Variants in CHN2 observed in about 807,000 individuals in gnomAD.
CHN2 encodes chimerin 2.
CHN2 carries 35 observed loss-of-function variants against 56.3 expected under a neutral mutation model. That is an observed-to-expected ratio of 0.62 (90% CI 0.47 to 0.82). The LOEUF (loss-of-function observed/expected upper bound fraction) is 0.82, where lower values mean the gene tolerates loss of function less well. Ranked by LOEUF, CHN2 falls within the 40% of genes least tolerant of loss-of-function variation. The pLI, the probability that CHN2 is intolerant of heterozygous loss-of-function variation, is 0.00. For missense variants in CHN2, 491 were observed against 580.5 expected, an observed-to-expected ratio of 0.85 and a Z score of 1.58; for synonymous variants, 210 against 212.8, an observed-to-expected ratio of 0.99 and a Z score of 0.12.
chr7:29,351,786 G>T (rs1797904654), intron 1 of CHN2, among the ~76,000 whole-genome samples: 1 of 152,172 alleles, frequency 6.6e-6, no homozygotes, highest in Non-Finnish European at 1.5e-5. Flanking sequence ...GAGGCGGGCA[G>T]GCTCCCAGTG....
intron 1 of CHN2, chr7:29,197,988 G>A (rs1457127499): frequency 2.2e-6 from 1 of 456,304 alleles, no homozygotes; most frequent in African/African-American, 2.0e-5. Flanking sequence ...AGATGGGTAA[G>A]TTCATGGCAT....
intron 1 of CHN2, among the ~76,000 whole-genome samples, chr7:29,285,358 C>T (rs1469804645): frequency 6.6e-6 from 1 of 152,182 alleles, no homozygotes; most frequent in East Asian, 1.9e-4. Context: ...TTCTATTTTC[C>T]AGACAAAACA....
intron 2 of CHN2, among the ~76,000 whole-genome samples, chr7:29,174,129 G>C (rs1287396074): frequency 2.0e-5 from 3 of 152,038 alleles, no homozygotes; most frequent in African/African-American, 7.2e-5. Context: ...AAAGGCTGGA[G>C]AGACCCCCCC....
intron 1 of CHN2, among the ~76,000 whole-genome samples, chr7:29,220,982 A>G (rs953936911): frequency 1.7e-4 from 26 of 152,334 alleles, no homozygotes; most frequent in Admixed American, 7.8e-4. Flanking sequence ...TTAAAAACCA[A>G]TCAAAGCCTC....
intron 2 of CHN2, among the ~76,000 whole-genome samples, chr7:29,171,831 T>C (rs1202046079): frequency 1.3e-5 from 2 of 152,222 alleles, no homozygotes; most frequent in Non-Finnish European, 2.9e-5. Flanking sequence ...ATGAAGTTGT[T>C]GTAGCTGAAG....
At chr7:29,327,863 A>G (rs1417603371) in intron 1 of CHN2, among the ~76,000 whole-genome samples, 1 of 152,302 alleles carries the variant, frequency 6.6e-6, no homozygotes, top group East Asian at 1.9e-4. Flanking sequence ...TTTTTTATTC[A>G]TTTTGTAGCC....
chr7:29,414,737 G>A (rs1008004436), intron 6 of CHN2, among the ~76,000 whole-genome samples: 2 of 152,104 alleles, frequency 1.3e-5, no homozygotes, highest in Admixed American at 6.5e-5. Flanking sequence ...CCAAGAGGCC[G>A]GCAAAACAGA....
intron 1 of CHN2, among the ~76,000 whole-genome samples, chr7:29,348,444 AT>A (rs1562535936): frequency 1.3e-5 from 2 of 151,970 alleles, no homozygotes; most frequent in Non-Finnish European, 2.9e-5. Context: ...CTTATTACCC[AT>A]TTTTTAAAGG....
intron 1 of CHN2, among the ~76,000 whole-genome samples, chr7:29,293,548 C>T (rs914004430): frequency 1.3e-5 from 2 of 152,152 alleles, no homozygotes; most frequent in Non-Finnish European, 2.9e-5. Flanking sequence ...ACATCACGCT[C>T]CTCTCTCCTT....
chr7:29,406,582 T>G (rs1336265592), intron 6 of CHN2, among the ~76,000 whole-genome samples: 1 of 151,816 alleles, frequency 6.6e-6, no homozygotes, highest in Non-Finnish European at 1.5e-5. Context: ...CCTGGCATGC[T>G]GCACACCACC....
chr7:29,174,911 A>AAG (rs940177366), intron 2 of CHN2, among the ~76,000 whole-genome samples: 38 of 152,208 alleles, frequency 2.5e-4, no homozygotes, highest in African/African-American at 9.1e-4. Context: ...AAGAAGCTAG[A>AAG]AGAGAGAGAG....
At position 29,472,272 on chromosome 7, in the gene CHN2, T is replaced by TACACACACACAC. The variant is rs113034467; in HGVS notation, c.577-7992_577-7981dup. Among the ~76,000 whole-genome samples the TACACACACACAC allele has an allele frequency of 9.5e-4, 107 of 112,314 alleles. 1 individual carries two copies. Among genetic ancestry groups the TACACACACACAC allele is most frequent in the African/African-American group, 2.1e-3 (81 of 38,320 alleles). 73.7% of individuals were successfully genotyped at this position (112,314 alleles called of 152,430 possible). The stretch of plus-strand genomic sequence containing the variant: ...CCCATAGAAGCTTTTCAAAACAAAA[T>TACACACACACAC]ACACACACACACACACACACACACA... On this transcript the variant is annotated intron_variant, in intron 6 of 12. Coordinates refer to ENST00000222792, the MANE Select transcript of CHN2 (RefSeq NM_004067.4).
chr7:29,279,458 T>C (rs3812354), intron 1 of CHN2, among the ~76,000 whole-genome samples: 10,065 of 152,296 alleles, frequency 0.066, 421 homozygotes, highest in South Asian at 0.17. Context: ...TCAACAAACA[T>C]TTATGGAGAC....
chr7:29,211,132 G>A (rs1252506484), intron 1 of CHN2, among the ~76,000 whole-genome samples: 8 of 151,896 alleles, frequency 5.3e-5, no homozygotes, highest in East Asian at 1.9e-4. Flanking sequence ...GTGCAGTGGC[G>A]CGATCTCGGC....
intron 6 of CHN2, among the ~76,000 whole-genome samples, chr7:29,443,943 A>G (rs1227361793): frequency 6.6e-6 from 1 of 152,232 alleles, no homozygotes; most frequent in Non-Finnish European, 1.5e-5. Context: ...ATACTTGAGG[A>G]AGTGTCTACC....
intron 1 of CHN2, among the ~76,000 whole-genome samples, chr7:29,304,588 G>A (rs573605418): frequency 6.6e-6 from 1 of 152,124 alleles, no homozygotes; most frequent in Non-Finnish European, 1.5e-5. Context: ...GTTTTGCCTG[G>A]GTACCCAATA....
intron 3 of CHN2, among the ~76,000 whole-genome samples, chr7:29,392,179 TG>T (rs1333526872): frequency 3.5e-4 from 53 of 152,360 alleles, no homozygotes; most frequent in African/African-American, 1.0e-3. Context: ...CAACTTTCAT[TG>T]GCTTTTCTAG....
intron 6 of CHN2, among the ~76,000 whole-genome samples, chr7:29,456,609 G>GCCC (rs1218067011): frequency 4.8e-5 from 1 of 20,762 alleles, no homozygotes; most frequent in Non-Finnish European, 1.1e-4. Flanking sequence ...GCCACCACCC[G>GCCC]CCCCCTCCCC....
intron 2 of CHN2, among the ~76,000 whole-genome samples, chr7:29,173,852 T>C (rs1220221843): frequency 2.0e-5 from 3 of 150,706 alleles, no homozygotes; most frequent in Non-Finnish European, 4.4e-5. Flanking sequence ...CTTGGGGGGC[T>C]GAGGCACTAG....
Sources: allele counts gnomAD v4.1 joint callset (sites outside exome capture counted in the v4.1 genomes callset), GRCh38; gene constraint gnomAD v4.1.1; transcripts MANE v1.5; gene names NCBI Gene and HGNC (gene_info 2026-07-23, HGNC 2026-07-21).